The following NLGN1 variants were observed in gnomAD, a reference collection of about 807,000 sequenced individuals.
NLGN1 encodes neuroligin-1.
NLGN1 carries 12 observed loss-of-function variants against 65.5 expected under a neutral mutation model. The ratio of observed to expected loss-of-function variants is 0.18; its 90% confidence interval spans 0.12 to 0.30. NLGN1 has a LOEUF of 0.30. Among genes scored for constraint, NLGN1 ranks in the 10% least tolerant of loss-of-function variants. The probability of loss-of-function intolerance (pLI) is 1.00; values close to 1 mark genes in which losing one functional copy is unlikely to be tolerated. For synonymous variants in NLGN1, 350 were observed against 359.5 expected (o/e 0.97, Z 0.30); for missense variants, 750 against 1,007.1 (o/e 0.74, Z 3.46).
chr3:174,225,691 A>G (rs866581559), intron 4 of NLGN1, among the ~76,000 whole-genome samples: 1 of 152,022 alleles, frequency 6.6e-6, no homozygotes, highest in Non-Finnish European at 1.5e-5. Flanking sequence ...AGATTGCGCC[A>G]CTGCACTCCA....
intron 2 of NLGN1, among the ~76,000 whole-genome samples, chr3:173,547,306 A>G (rs555336766): frequency 1.4e-4 from 22 of 152,262 alleles, no homozygotes; most frequent in Admixed American, 6.5e-4. Context: ...ATTATAGCGC[A>G]TACTCTGAAA....
chr3:173,638,575 T>G (rs1038071819), intron 3 of NLGN1, among the ~76,000 whole-genome samples: 1 of 152,110 alleles, frequency 6.6e-6, no homozygotes, highest in Admixed American at 6.6e-5. Flanking sequence ...TCTGGTATGT[T>G]TATTTGTCTT....
At chr3:173,587,570 C>T (rs1423685699) in intron 2 of NLGN1, among the ~76,000 whole-genome samples, 1 of 152,080 alleles carries the variant, frequency 6.6e-6, no homozygotes, top group African/African-American at 2.4e-5. Context: ...CATTTAGCTC[C>T]ATCTTACCCA....
At chr3:173,713,374 T>G (rs1769315142) in intron 3 of NLGN1, among the ~76,000 whole-genome samples, 1 of 152,136 alleles carries the variant, frequency 6.6e-6, no homozygotes, top group Admixed American at 6.5e-5. Flanking sequence ...TTTTGTCTTT[T>G]AAATTATCTT....
At chr3:174,066,304 A>G (rs1261025145) in intron 4 of NLGN1, among the ~76,000 whole-genome samples, 1 of 151,960 alleles carries the variant, frequency 6.6e-6, no homozygotes, top group Non-Finnish European at 1.5e-5. Flanking sequence ...AATTATGGAC[A>G]GGTTTTTTTT....
intron 4 of NLGN1, among the ~76,000 whole-genome samples, chr3:173,853,843 A>G (rs1250671449): frequency 6.6e-6 from 1 of 152,022 alleles, no homozygotes; most frequent in African/African-American, 2.4e-5. Context: ...CAGCAGTAAT[A>G]AAAACAGTAT....
intron 3 of NLGN1, among the ~76,000 whole-genome samples, chr3:173,667,193 T>A (rs1488872422): frequency 1.3e-5 from 2 of 151,690 alleles, no homozygotes; most frequent in South Asian, 2.1e-4. Context: ...TTAGGTTATT[T>A]CCATTTTAAT....
rs566454997 is a variant in NLGN1, at chr3:173,529,551, GC to G, written c.-320-74727del. 2.6e-5 allele frequency among the ~76,000 whole-genome samples: 4 copies of G among 152,274 alleles called. No individual in the cohort carries two copies. The South Asian group carries it at 8.3e-4, about 32-fold the overall frequency. ...TGCACCAGCTGCATGCCCTAGATCG[GC>G]AAGAACTTGATCTGTTTATCACACC... On this transcript the variant is annotated intron_variant, in intron 2 of 6. Coordinates refer to ENST00000457714, the Ensembl canonical transcript of NLGN1.
At chr3:173,464,421 T>A (rs1376454319) in intron 2 of NLGN1, among the ~76,000 whole-genome samples, 7 of 145,834 alleles carry the variant, frequency 4.8e-5, no homozygotes, top group Non-Finnish European at 7.4e-5. Context: ...CCACCTCCCA[T>A]GGTATCAGTT....
chr3:173,712,101 A>G (rs759422225), intron 3 of NLGN1, among the ~76,000 whole-genome samples: 12 of 152,202 alleles, frequency 7.9e-5, no homozygotes, highest in Non-Finnish European at 1.5e-4. Flanking sequence ...TCATGGACAT[A>G]CTTCTATGAC....
chr3:173,962,709 C>T, intron 4 of NLGN1, among the ~76,000 whole-genome samples: 1 of 152,146 alleles, frequency 6.6e-6, no homozygotes, highest in Non-Finnish European at 1.5e-5. Flanking sequence ...ATGTTATTTC[C>T]ATTAACTAAC....
intron 4 of NLGN1, among the ~76,000 whole-genome samples, chr3:174,117,018 A>G (rs1308020108): frequency 6.6e-6 from 1 of 152,194 alleles, no homozygotes; most frequent in Non-Finnish European, 1.5e-5. Context: ...TGTAACAGTC[A>G]TTTAAAAGTT....
At chr3:174,001,039 A>G (rs1723185656) in intron 4 of NLGN1, among the ~76,000 whole-genome samples, 1 of 152,206 alleles carries the variant, frequency 6.6e-6, no homozygotes, top group African/African-American at 2.4e-5. Flanking sequence ...AGACAATTCA[A>G]TTCTACTTTG....
chr3:173,595,140 C>T (rs1306964203), intron 2 of NLGN1, among the ~76,000 whole-genome samples: 1 of 152,200 alleles, frequency 6.6e-6, no homozygotes, highest in Non-Finnish European at 1.5e-5. Context: ...TGAATTTCTC[C>T]TCAGAAAATG....
intron 3 of NLGN1, among the ~76,000 whole-genome samples, chr3:173,789,183 A>T (rs972686325): frequency 6.6e-6 from 1 of 151,306 alleles, no homozygotes; most frequent in African/African-American, 2.4e-5. Flanking sequence ...TGGATGACAG[A>T]GTGAGAGTCC....
At chr3:173,832,797 AT>A (rs1301443326) in intron 4 of NLGN1, among the ~76,000 whole-genome samples, 3 of 152,174 alleles carry the variant, frequency 2.0e-5, no homozygotes, top group Non-Finnish European at 4.4e-5. Flanking sequence ...AAGAAAAGCA[AT>A]TTTCTCTTCA....
intron 3 of NLGN1, among the ~76,000 whole-genome samples, chr3:173,755,432 T>A (rs932002193): frequency 1.3e-5 from 2 of 152,146 alleles, no homozygotes; most frequent in East Asian, 3.9e-4. Flanking sequence ...CTATATTTTT[T>A]AAAGGAAAGA....
intron 4 of NLGN1, among the ~76,000 whole-genome samples, chr3:173,947,911 G>T (rs1747490370): frequency 6.6e-6 from 1 of 152,288 alleles, no homozygotes; most frequent in African/African-American, 2.4e-5. Flanking sequence ...AAAAATAAAT[G>T]ATTTCTTCAT....
chr3:173,583,660 C>G (rs1335016257), intron 2 of NLGN1, among the ~76,000 whole-genome samples: 1 of 152,150 alleles, frequency 6.6e-6, no homozygotes, highest in Non-Finnish European at 1.5e-5. Context: ...AAACAAAGTC[C>G]TGAAATTCCT....
Sources: allele counts gnomAD v4.1 joint callset (sites outside exome capture counted in the v4.1 genomes callset), GRCh38; gene constraint gnomAD v4.1.1; transcripts MANE v1.5; gene names NCBI Gene and HGNC (gene_info 2026-07-23, HGNC 2026-07-21).